CTNND2: variants seen among roughly 807,000 people sequenced by gnomAD.
CTNND2 encodes the protein catenin delta-2.
CTNND2 carries 22 observed loss-of-function variants against 144.4 expected under a neutral mutation model. That is an observed-to-expected ratio of 0.15 (90% CI 0.11 to 0.22). The LOEUF (loss-of-function observed/expected upper bound fraction) is 0.22. Among genes scored for constraint, CTNND2 ranks in the 10% least tolerant of loss-of-function variants. CTNND2 has a pLI of 1.00. For synonymous variants in CTNND2, 751 were observed against 695.6 expected (o/e 1.08, Z -1.25); for missense variants, 1,353 against 1,618.8 (o/e 0.84, Z 2.82).
chr5:11,593,213 T>C (rs1347342257), intron 2 of CTNND2, among the ~76,000 whole-genome samples: 1 of 152,132 alleles, frequency 6.6e-6, no homozygotes, highest in Non-Finnish European at 1.5e-5. Flanking sequence ...AAAAAAGTTA[T>C]AAATTGGGCC....
chr5:11,491,053 C>T (rs1561469310), intron 3 of CTNND2, among the ~76,000 whole-genome samples: 1 of 152,068 alleles, frequency 6.6e-6, no homozygotes, highest in Non-Finnish European at 1.5e-5. Flanking sequence ...GAACTGTAAC[C>T]ATAATGAAGA....
chr5:11,162,467 C>T (rs1758864945), intron 11 of CTNND2, among the ~76,000 whole-genome samples: 1 of 152,168 alleles, frequency 6.6e-6, no homozygotes, highest in Non-Finnish European at 1.5e-5. Context: ...GAATCACGAA[C>T]AAACAGAAGT....
intron 21 of CTNND2, among the ~76,000 whole-genome samples, chr5:10,975,667 G>T (rs899197313): frequency 6.6e-6 from 1 of 152,234 alleles, no homozygotes; most frequent in Admixed American, 6.5e-5. Context: ...AACCTTGGAG[G>T]ACAGGCCTCA....
At chr5:11,496,225 A>G (rs1769923618) in intron 3 of CTNND2, among the ~76,000 whole-genome samples, 1 of 152,114 alleles carries the variant, frequency 6.6e-6, no homozygotes, top group Non-Finnish European at 1.5e-5. Flanking sequence ...AAACAGTAGA[A>G]CCCATTGAAA....
chr5:11,011,839 C>A (rs549661916), intron 18 of CTNND2, among the ~76,000 whole-genome samples: 1 of 152,214 alleles, frequency 6.6e-6, no homozygotes, highest in South Asian at 2.1e-4. Flanking sequence ...ACTCTGTTTC[C>A]TATAGGAATA....
intron 8 of CTNND2, among the ~76,000 whole-genome samples, chr5:11,348,684 A>G (rs1395882015): frequency 6.6e-6 from 1 of 151,780 alleles, no homozygotes; most frequent in Non-Finnish European, 1.5e-5. Context: ...AAAACAACAG[A>G]GTAGGTAAGG....
At chr5:11,597,521 T>TG (rs111741935) in intron 2 of CTNND2, among the ~76,000 whole-genome samples, 10,695 of 152,262 alleles carry the variant, frequency 0.07, 806 homozygotes, top group African/African-American at 0.18. Flanking sequence ...GCTTACAATT[T>TG]GCCTTAGCCA....
intron 1 of CTNND2, among the ~76,000 whole-genome samples, chr5:11,817,607 G>A (rs1249441235): frequency 2.6e-5 from 4 of 152,028 alleles, no homozygotes; most frequent in Non-Finnish European, 5.9e-5. Context: ...GGCAGCTGTG[G>A]TGGAAATTCT....
At chr5:11,818,355 T>C (rs1366139401) in intron 1 of CTNND2, among the ~76,000 whole-genome samples, 2 of 152,012 alleles carry the variant, frequency 1.3e-5, no homozygotes, top group Admixed American at 1.3e-4. Context: ...CCAAGCAGCC[T>C]GGCTCCTGTA....
At chr5:11,684,011 C>T (rs1224705705) in intron 2 of CTNND2, among the ~76,000 whole-genome samples, 1 of 152,068 alleles carries the variant, frequency 6.6e-6, no homozygotes, top group Non-Finnish European at 1.5e-5. Context: ...AGGGTGTAGA[C>T]CTAATAATAT....
At chr5:11,746,777 A>G (rs1005030366) in intron 1 of CTNND2, among the ~76,000 whole-genome samples, 1 of 152,196 alleles carries the variant, frequency 6.6e-6, no homozygotes, top group Non-Finnish European at 1.5e-5. Context: ...TTAAATGCTT[A>G]TTGAATAAGT....
chr5:11,550,691 G>A (rs986024578), intron 3 of CTNND2, among the ~76,000 whole-genome samples: 3 of 152,190 alleles, frequency 2.0e-5, no homozygotes, highest in African/African-American at 7.2e-5. Flanking sequence ...CTTCTTCTCT[G>A]CCTGCTGCTA....
At chr5:11,390,661 T>C (rs937411372) in intron 6 of CTNND2, among the ~76,000 whole-genome samples, 8 of 152,322 alleles carry the variant, frequency 5.3e-5, no homozygotes, top group African/African-American at 1.9e-4. Flanking sequence ...CCCCCAGTTC[T>C]GGGACAGGAG....
intron 3 of CTNND2, among the ~76,000 whole-genome samples, chr5:11,434,493 G>T (rs2149880118): frequency 6.6e-6 from 1 of 152,268 alleles, no homozygotes; most frequent in East Asian, 1.9e-4. Flanking sequence ...TGTGTAAATT[G>T]TACCTCAAAG....
rs373872481 is a variant in CTNND2, at chr5:11,498,883, T to G, written c.287+66061A>C. On this transcript the variant is annotated intron_variant, in intron 3 of 21. Coordinates refer to ENST00000304623, the MANE Select transcript of CTNND2 (RefSeq NM_001332.4). ...TGCATTGATATATTCGGTCACTGTATAAGTGGCTCAAGCAGTCTAAGATCT... is the reference window on the plus strand; with the variant it reads ...TGCATTGATATATTCGGTCACTGTAGAAGTGGCTCAAGCAGTCTAAGATCT... 6.6e-5 allele frequency among the ~76,000 whole-genome samples: 10 copies of G among 152,180 alleles called. No homozygotes were observed. The South Asian group carries it at 1.0e-3, about 16-fold the overall frequency.
chr5:11,163,508 G>A (rs1311618308), intron 11 of CTNND2, among the ~76,000 whole-genome samples: 1 of 152,146 alleles, frequency 6.6e-6, no homozygotes, highest in Non-Finnish European at 1.5e-5. Flanking sequence ...CTAAATTGTG[G>A]AGTAATTTGT....
At chr5:11,299,476 G>A (rs1286866277) in intron 9 of CTNND2, among the ~76,000 whole-genome samples, 3 of 152,112 alleles carry the variant, frequency 2.0e-5, no homozygotes, top group Non-Finnish European at 4.4e-5. Flanking sequence ...GCATCAAGGA[G>A]GCAGGCTTGC....
intron 1 of CTNND2, among the ~76,000 whole-genome samples, chr5:11,886,801 A>G (rs540676448): frequency 6.6e-6 from 1 of 152,142 alleles, no homozygotes; most frequent in Non-Finnish European, 1.5e-5. Context: ...GTAAATGGAA[A>G]GAAGATAGCA....
intron 17 of CTNND2, among the ~76,000 whole-genome samples, chr5:11,021,364 G>T (rs1019176240): frequency 6.6e-6 from 1 of 152,028 alleles, no homozygotes; most frequent in Non-Finnish European, 1.5e-5. Context: ...TGTGTGTGTG[G>T]GTGTGTATGC....
Sources: gnomAD v4.1 joint callset for allele counts (sites outside exome capture counted in the v4.1 genomes callset) on GRCh38, gnomAD v4.1.1 for gene constraint, MANE v1.5 for transcripts, NCBI Gene and HGNC (gene_info 2026-07-23, HGNC 2026-07-21) for gene names.